Variants in ADGRV1 observed in about 807,000 individuals in gnomAD.
ADGRV1 encodes the protein adhesion G protein-coupled receptor V1.
In ADGRV1, 359 loss-of-function variants were observed where a neutral mutation model predicts 596.2. The ratio of observed to expected loss-of-function variants is 0.60; its 90% CI spans 0.55 to 0.66. The LOEUF (loss-of-function observed/expected upper bound fraction) is 0.66. Among genes scored for constraint, ADGRV1 ranks in the 30% least tolerant of loss-of-function variants. The pLI is 0.00. For missense variants in ADGRV1, 7,274 were observed against 7,575.6 expected, an observed-to-expected ratio of 0.96 and a Z score of 1.48; for synonymous variants, 2,681 against 2,679.2, an observed-to-expected ratio of 1.00 and a Z score of -0.02.
At chr5:90,858,505 A>G (rs1767245681) in intron 82 of ADGRV1, among the ~76,000 whole-genome samples, 1 of 151,902 alleles carries the variant, frequency 6.6e-6, no homozygotes, top group Non-Finnish European at 1.5e-5. Flanking sequence ...GCACCACCAC[A>G]CTTGGCAAAT....
At chr5:90,887,924 T>C (rs996517452) in intron 83 of ADGRV1, among the ~76,000 whole-genome samples, 16 of 152,178 alleles carry the variant, frequency 1.1e-4, no homozygotes. Flanking sequence ...TAACTAATTT[T>C]TTTTCTTTTA....
chr5:91,074,439 T>C (rs1167705447), intron 86 of ADGRV1, among the ~76,000 whole-genome samples: 1 of 152,212 alleles, frequency 6.6e-6, no homozygotes, highest in African/African-American at 2.4e-5. Flanking sequence ...TGGTTTTCTC[T>C]TCCTCTGTTA....
intron 1 of ADGRV1, among the ~76,000 whole-genome samples, chr5:90,590,294 G>A (rs1207765119): frequency 6.6e-6 from 1 of 152,164 alleles, no homozygotes; most frequent in Non-Finnish European, 1.5e-5. Context: ...CTTCCTTGGG[G>A]TGCATCATAG....
At chr5:91,070,281 G>C (rs1236328837) in intron 85 of ADGRV1, among the ~76,000 whole-genome samples, 1 of 152,122 alleles carries the variant, frequency 6.6e-6, no homozygotes, top group Non-Finnish European at 1.5e-5. Context: ...TTAAAAAAAA[G>C]TTAACACACT....
chr5:91,103,196 G>A (rs906112009), intron 87 of ADGRV1, among the ~76,000 whole-genome samples: 6 of 152,080 alleles, frequency 3.9e-5, no homozygotes, highest in Admixed American at 3.9e-4. Context: ...TTAGATCATA[G>A]CTTACATGAT....
At chr5:91,128,155 A>G (rs73771185) in intron 87 of ADGRV1, among the ~76,000 whole-genome samples, 1,605 of 151,414 alleles carry the variant, frequency 0.011, 39 homozygotes, top group African/African-American at 0.038. Flanking sequence ...CCAAAGTCAA[A>G]TCTTTCAAGG....
intron 87 of ADGRV1, among the ~76,000 whole-genome samples, chr5:91,137,626 G>A (rs1014106500): frequency 6.6e-6 from 1 of 152,166 alleles, no homozygotes; most frequent in Non-Finnish European, 1.5e-5. Flanking sequence ...TATTTGGAAG[G>A]ACTTCCCTAA....
chr5:90,753,868 G>A, intron 54 of ADGRV1, 39 bp downstream of exon 54: 1 of 1,499,382 alleles, frequency 6.7e-7, no homozygotes, highest in Non-Finnish European at 9.0e-7. Context: ...TTAATGAGAA[G>A]CTTCATTGGA....
rs1462825962 is a variant in ADGRV1 at position 90,778,956 on chromosome 5, AT to A, written c.12945del (p.Phe4315LeufsTer15). 6.2e-7 allele frequency: 1 copy of A among 1,613,508 alleles called. No homozygotes were observed. ...TMSGTAEAGL[D>X]FVPAAGELLF... ...AGCGGGACAGCGGAAGCAGGCTTGGATTTTGTTCCTGCAGCAGGGGAGCTCC... is the reference window on the plus strand; with the variant it reads ...AGCGGGACAGCGGAAGCAGGCTTGGATTTGTTCCTGCAGCAGGGGAGCTCC... On this transcript the variant is annotated frameshift_variant, in exon 64 of 90. Coordinates refer to ENST00000405460, the MANE Select transcript of ADGRV1 (RefSeq NM_032119.4). LOFTEE classifies it high-confidence loss of function.
At chr5:90,744,845 A>G (rs1383980071) in intron 50 of ADGRV1, among the ~76,000 whole-genome samples, 1 of 152,226 alleles carries the variant, frequency 6.6e-6, no homozygotes, top group Admixed American at 6.5e-5. Context: ...AAACCTCATC[A>G]AGCTGGCTTG....
At chr5:90,952,785 C>A (rs907216466) in intron 83 of ADGRV1, among the ~76,000 whole-genome samples, 2 of 151,842 alleles carry the variant, frequency 1.3e-5, no homozygotes, top group African/African-American at 4.8e-5. Flanking sequence ...ACTTGTCTCT[C>A]TTGATTTGCC....
chr5:90,676,230 AT>A, intron 25 of ADGRV1, 21 bp downstream of exon 25: 1 of 1,590,246 alleles, frequency 6.3e-7, no homozygotes, highest in South Asian at 1.2e-5. Flanking sequence ...TGATTCAAAA[AT>A]GTTAAATATT....
intron 21 of ADGRV1, among the ~76,000 whole-genome samples, chr5:90,663,285 C>A (rs898692600): frequency 4.1e-5 from 6 of 146,872 alleles, no homozygotes; most frequent in African/African-American, 1.5e-4. Context: ...TGTTTCCTGA[C>A]TTTTTAATGA....
Position 90,840,573 on chromosome 5 carries a change from T to G in ADGRV1, c.16612-5T>G, listed in dbSNP as rs1263348140. On this transcript the variant is annotated splice_polypyrimidine_tract_variant and splice_region_variant and intron_variant, in intron 77 of 89. Coordinates refer to ENST00000405460, the MANE Select transcript of ADGRV1 (RefSeq NM_032119.4). ...TTCACTTAAATGGTGTTGTTTAATT[T>G]CTAGGAGTTGAGGAGTGCTGAAACA... is the stretch of plus-strand genomic sequence containing the variant. The G allele has an allele frequency of 1.3e-6, 2 of 1,579,940 alleles. No individual in the cohort carries two copies. Among genetic ancestry groups the G allele is most frequent in the East Asian group, 4.5e-5 (2 of 44,482 alleles).
chr5:90,613,844 A>G (rs1242090032), intron 1 of ADGRV1, among the ~76,000 whole-genome samples: 2 of 152,158 alleles, frequency 1.3e-5, no homozygotes, highest in Non-Finnish European at 2.9e-5. Flanking sequence ...GAAACACCAC[A>G]TACAAGAAAA....
intron 75 of ADGRV1, 65 bp downstream of exon 75, chr5:90,815,801 T>G (rs538805782): frequency 1.0e-6 from 1 of 955,334 alleles, no homozygotes; most frequent in South Asian, 1.4e-5. Context: ...GTAATTTCAA[T>G]TCATACAATG....
chr5:90,824,713 C>A (rs1174380773), intron 76 of ADGRV1, among the ~76,000 whole-genome samples: 1 of 152,166 alleles, frequency 6.6e-6, no homozygotes, highest in Non-Finnish European at 1.5e-5. Flanking sequence ...AAACAATGTG[C>A]TGTATAATGA....
intron 77 of ADGRV1, among the ~76,000 whole-genome samples, chr5:90,831,783 A>G (rs1051555847): frequency 1.3e-5 from 2 of 152,050 alleles, no homozygotes; most frequent in African/African-American, 2.4e-5. Flanking sequence ...CATGAGTTCA[A>G]TTGTTTCAAT....
At chr5:90,974,320 G>A (rs1779349371) in intron 84 of ADGRV1, among the ~76,000 whole-genome samples, 1 of 152,094 alleles carries the variant, frequency 6.6e-6, no homozygotes, top group Admixed American at 6.5e-5. Context: ...AGCTACCAAT[G>A]ACTTTCTTCA....
Sources: allele counts gnomAD v4.1 joint callset (sites outside exome capture counted in the v4.1 genomes callset), GRCh38; gene constraint gnomAD v4.1.1; transcripts MANE v1.5; gene names NCBI Gene and HGNC (gene_info 2026-07-23, HGNC 2026-07-21).